MYOZ2: variants seen among roughly 807,000 people sequenced by gnomAD.
MYOZ2 encodes myozenin-2.
A neutral mutation model predicts 25.4 loss-of-function variants in MYOZ2; 19 were observed. The observed-to-expected ratio is 0.75, with a 90% CI of 0.52 to 1.10. MYOZ2 has a LOEUF of 1.10. MYOZ2 is among the 50% of genes least tolerant of loss of function. MYOZ2 has a pLI of 0.00. For synonymous variants in MYOZ2, 92 were observed against 106.9 expected (o/e 0.86, Z 0.86); for missense variants, 270 against 317.9 (o/e 0.85, Z 1.15).
At chr4:119,154,504 A>T (rs1741526148) in intron 3 of MYOZ2, among the ~76,000 whole-genome samples, 1 of 152,126 alleles carries the variant, frequency 6.6e-6, no homozygotes, top group South Asian at 2.1e-4. Flanking sequence ...TTAATGACTA[A>T]TGAGAAAGAG....
chr4:119,177,374 C>T (rs1393825325), intron 5 of MYOZ2, among the ~76,000 whole-genome samples: 1 of 152,104 alleles, frequency 6.6e-6, no homozygotes, highest in African/African-American at 2.4e-5. Context: ...AAGTGATTAC[C>T]ACAAATCTCA....
At chr4:119,150,740 G>T in intron 2 of MYOZ2, 132 bp from the exon 3 acceptor site, 1 of 886,592 alleles carries the variant, frequency 1.1e-6, no homozygotes, top group South Asian at 1.6e-5. Flanking sequence ...AGGAACTGAG[G>T]TTTAGAGAAA....
chr4:119,173,682 A>T (rs936697688), intron 5 of MYOZ2, among the ~76,000 whole-genome samples: 2 of 152,174 alleles, frequency 1.3e-5, no homozygotes, highest in African/African-American at 4.8e-5. Flanking sequence ...CTTTGGCGGC[A>T]CTTGAGGAGC....
At chr4:119,136,831 A>G (rs1170573974) in intron 2 of MYOZ2, among the ~76,000 whole-genome samples, 1 of 152,160 alleles carries the variant, frequency 6.6e-6, no homozygotes, top group Non-Finnish European at 1.5e-5. Context: ...AAAGGCATGA[A>G]GCAATCTGAC....
At chr4:119,175,396 G>A (rs1742046891) in intron 5 of MYOZ2, among the ~76,000 whole-genome samples, 1 of 152,096 alleles carries the variant, frequency 6.6e-6, no homozygotes, top group African/African-American at 2.4e-5. Context: ...AAGGTTAATT[G>A]ATCAATTTTT....
chr4:119,182,282 A>G (rs1742198876), intron 5 of MYOZ2, among the ~76,000 whole-genome samples: 1 of 152,220 alleles, frequency 6.6e-6, no homozygotes, highest in Non-Finnish European at 1.5e-5. Context: ...GTAATGCCTG[A>G]TGCTTGAAGT....
At chr4:119,161,096 C>T (rs1741698010) in intron 4 of MYOZ2, among the ~76,000 whole-genome samples, 1 of 152,014 alleles carries the variant, frequency 6.6e-6, no homozygotes, top group South Asian at 2.1e-4. Flanking sequence ...ACTTTTCACG[C>T]CTAGGAGATC....
At chr4:119,150,211 C>A (rs1384411913) in intron 2 of MYOZ2, among the ~76,000 whole-genome samples, 1 of 151,810 alleles carries the variant, frequency 6.6e-6, no homozygotes, top group Non-Finnish European at 1.5e-5. Flanking sequence ...AAAATGCAAA[C>A]CATAAAACAA....
At chr4:119,185,811 C>G (rs918062815) in intron 5 of MYOZ2, among the ~76,000 whole-genome samples, 155 bp from the exon 6 acceptor site, 2 of 152,034 alleles carry the variant, frequency 1.3e-5, no homozygotes, top group African/African-American at 2.4e-5. Context: ...CCTCAGAGGT[C>G]ACAAAATGAC....
intron 5 of MYOZ2, among the ~76,000 whole-genome samples, chr4:119,169,318 C>A (rs767092757): frequency 2.0e-5 from 3 of 152,198 alleles, no homozygotes; most frequent in Non-Finnish European, 2.9e-5. Flanking sequence ...TACTCTATTG[C>A]AGTGGTCTGG....
intron 5 of MYOZ2, 43 bp from the exon 6 acceptor site, chr4:119,185,923 T>G: frequency 2.7e-6 from 4 of 1,498,220 alleles, no homozygotes; most frequent in Non-Finnish European, 3.7e-6. Context: ...TTTGACAAAT[T>G]TGAATATTAA....
intron 5 of MYOZ2, among the ~76,000 whole-genome samples, chr4:119,171,949 A>G (rs890307329): frequency 6.6e-6 from 1 of 152,120 alleles, no homozygotes; most frequent in African/African-American, 2.4e-5. Context: ...GGTAGTTTAC[A>G]TTATGATATG....
intron 5 of MYOZ2, 91 bp from the exon 6 acceptor site, chr4:119,185,875 T>A: frequency 9.2e-7 from 1 of 1,082,854 alleles, no homozygotes; most frequent in Non-Finnish European, 1.4e-6. Flanking sequence ...AATACACCCA[T>A]AAAATCATGC....
intron 4 of MYOZ2, 103 bp from the exon 5 acceptor site, chr4:119,164,108 T>A: frequency 8.6e-7 from 1 of 1,158,102 alleles, no homozygotes; most frequent in Non-Finnish European, 1.3e-6. Flanking sequence ...GCATGCTTCA[T>A]AAATTTATCC....
Position 119,159,857 on chromosome 4 carries a change from C to T in MYOZ2, c.376+1706C>T, listed in dbSNP as rs550980635. Among the ~76,000 whole-genome samples the T allele has an allele frequency of 2.0e-4, 30 of 151,954 alleles. No individual in the cohort carries two copies. The South Asian group carries it at 3.5e-3, about 18-fold the overall frequency. On this transcript the variant is annotated intron_variant, in intron 4 of 5. Coordinates refer to ENST00000307128, the MANE Select transcript of MYOZ2 (RefSeq NM_016599.5). ...GTGGATAGACTTAGCAAAATAATAC[C>T]GAAGGAAACCAATTAGGCACAATTA...
At chr4:119,145,521 T>TGTGC (rs1741270544) in intron 2 of MYOZ2, among the ~76,000 whole-genome samples, 1 of 130,452 alleles carries the variant, frequency 7.7e-6, no homozygotes, top group Admixed American at 7.9e-5. Flanking sequence ...TGTGTGTGTG[T>TGTGC]GTGTGTGTGT....
At chr4:119,143,415 C>T (rs1021984958) in intron 2 of MYOZ2, among the ~76,000 whole-genome samples, 1 of 152,082 alleles carries the variant, frequency 6.6e-6, no homozygotes, top group Non-Finnish European at 1.5e-5. Flanking sequence ...AGGCTGGTCT[C>T]GAACTCCTGA....
chr4:119,150,976 C>T lies in MYOZ2; in HGVS notation c.181C>T (p.Arg61Cys), dbSNP rs755233280. The T allele has an allele frequency of 2.1e-5, 34 of 1,612,896 alleles. No homozygotes were observed. The highest frequency in any genetic ancestry group is 2.8e-5 in the Non-Finnish European group (33 of 1,179,154). ...SNRGARLFKM[R>C]QRRSDKYTFE... ...CCGTGGTGCCAGGCTATTTAAGATG[C>T]GTCAAAGAAGATCTGACAAATACAC... Residue 61 changes from arginine to cysteine, a missense_variant, in exon 3 of 6, where the codon CGT becomes TGT. Transcript: ENST00000307128.
At chr4:119,176,386 A>T (rs1381193679) in intron 5 of MYOZ2, among the ~76,000 whole-genome samples, 1 of 151,968 alleles carries the variant, frequency 6.6e-6, no homozygotes, top group African/African-American at 2.4e-5. Context: ...ACACCCAGCT[A>T]ATTTTTTTGT....
Sources: allele counts gnomAD v4.1 joint callset (sites outside exome capture counted in the v4.1 genomes callset), GRCh38; gene constraint gnomAD v4.1.1; transcripts MANE v1.5; gene names NCBI Gene and HGNC (gene_info 2026-07-23, HGNC 2026-07-21).